Variants in ATF6 observed in about 807,000 individuals in gnomAD.
ATF6 encodes the protein cyclic AMP-dependent transcription factor ATF-6 alpha.
Under a neutral mutation model 83.6 loss-of-function variants are expected in ATF6, and 53 were observed. That is an observed-to-expected ratio of 0.63 (90% CI 0.51 to 0.80). The LOEUF (loss-of-function observed/expected upper bound fraction) is 0.80, where lower values mean the gene tolerates loss of function less well. Among genes scored for constraint, ATF6 ranks in the 30% least tolerant of loss-of-function variants. ATF6 has a pLI of 0.00. For synonymous variants in ATF6, 288 were observed against 285.8 expected, an observed-to-expected ratio of 1.01 and a Z score of -0.08; for missense variants, 744 against 797.9, an observed-to-expected ratio of 0.93 and a Z score of 0.81.
At chr1:161,945,329 C>T (rs1422906079) in intron 15 of ATF6, among the ~76,000 whole-genome samples, 1 of 152,188 alleles carries the variant, frequency 6.6e-6, no homozygotes, top group Non-Finnish European at 1.5e-5. Context: ...TATTCCATTC[C>T]CATTTGCTCC....
rs750023869 is a variant in ATF6 at position 161,958,671 on chromosome 1, T to C, written c.*17T>C. 1.9e-6 allele frequency: 3 copies of C among 1,591,096 alleles called. No homozygotes were observed. In the South Asian group the frequency reaches 3.4e-5, roughly 18 times the overall value. On this transcript the variant is annotated 3_prime_UTR_variant, in exon 16 of 16. Transcript: ENST00000367942. ...TTACAATAGCACCCTGCAGCTATGC[T>C]GGAAAACTGAGCGTGGGACCCTGCC...
At chr1:161,884,729 T>C (rs982302565) in intron 14 of ATF6, among the ~76,000 whole-genome samples, 3 of 152,116 alleles carry the variant, frequency 2.0e-5, no homozygotes, top group African/African-American at 7.2e-5. Flanking sequence ...GCTAAACAAA[T>C]ACACAGATAC....
At chr1:161,831,718 T>A (rs1686065503) in intron 9 of ATF6, among the ~76,000 whole-genome samples, 1 of 144,454 alleles carries the variant, frequency 6.9e-6, no homozygotes, top group South Asian at 2.2e-4. Context: ...CACCACATGT[T>A]CTCACTCATA....
rs1305720035 is a variant in ATF6, at chr1:161,798,105, CAT to C, written c.689-3944_689-3943del. 1.2e-4 allele frequency among the ~76,000 whole-genome samples: 18 copies of C among 152,154 alleles called. 1 individual carries two copies. The highest frequency in any genetic ancestry group is 1.1e-3 in the Admixed American group (17 of 15,288). On this transcript the variant is annotated intron_variant, in intron 6 of 15. Coordinates refer to ENST00000367942, the MANE Select transcript of ATF6 (RefSeq NM_007348.4). ...AATGGTGGTAAGATAACTGGCTAGCCATATGCAGAAGATTGAAACTGGATCCT... is the reference window on the plus strand; with the variant it reads ...AATGGTGGTAAGATAACTGGCTAGCCATGCAGAAGATTGAAACTGGATCCT...
intron 7 of ATF6, among the ~76,000 whole-genome samples, chr1:161,804,966 A>G (rs1254864269): frequency 2.0e-5 from 3 of 152,250 alleles, no homozygotes; most frequent in Non-Finnish European, 4.4e-5. Context: ...TATATAGGTC[A>G]AGAGTATGTC....
chr1:161,963,584 C>T lies in ATF6; in HGVS notation c.*4930C>T, dbSNP rs1288583122. 2.6e-5 allele frequency: 4 copies of T among 152,086 alleles called. No individual in the cohort carries two copies. Among genetic ancestry groups the T allele is most frequent in the African/African-American group, 4.8e-5 (2 of 41,402 alleles). 9.4% of individuals were successfully genotyped at this position (152,086 alleles called of 1,614,324 possible). Reference sequence around the variant, plus strand: ...AATAAACCAGGAGGCTTGGCATATCCCCTTTATGTTAATCCCAGCTAGAGA... The same window carrying T: ...AATAAACCAGGAGGCTTGGCATATCTCCTTTATGTTAATCCCAGCTAGAGA... On this transcript the variant is annotated 3_prime_UTR_variant, in exon 16 of 16. Transcript: ENST00000367942.
intron 14 of ATF6, among the ~76,000 whole-genome samples, chr1:161,888,755 C>T (rs1687484984): frequency 6.6e-6 from 1 of 152,082 alleles, no homozygotes. Flanking sequence ...TCAAATCCAC[C>T]TCCATCCTTC....
At chr1:161,850,653 A>G (rs572298956) in intron 10 of ATF6, among the ~76,000 whole-genome samples, 2 of 152,288 alleles carry the variant, frequency 1.3e-5, no homozygotes, top group South Asian at 4.1e-4. Context: ...ACCTAGCACA[A>G]TACCTGGTGC....
At chr1:161,818,384 C>T (rs1349179125) in intron 7 of ATF6, among the ~76,000 whole-genome samples, 3 of 152,082 alleles carry the variant, frequency 2.0e-5, no homozygotes, top group East Asian at 1.9e-4. Flanking sequence ...AAAATAATTT[C>T]GCTCAGTAAG....
chr1:161,943,419 A>G (rs939546860), intron 15 of ATF6, among the ~76,000 whole-genome samples: 29 of 152,190 alleles, frequency 1.9e-4, no homozygotes, highest in African/African-American at 6.8e-4. Flanking sequence ...CTGTGAGTCA[A>G]TTAAACCTCT....
At chr1:161,945,750 A>G (rs1352865728) in intron 15 of ATF6, among the ~76,000 whole-genome samples, 1 of 152,188 alleles carries the variant, frequency 6.6e-6, no homozygotes, top group Non-Finnish European at 1.5e-5. Context: ...TTACCTACCA[A>G]CTTGATTGTA....
intron 14 of ATF6, among the ~76,000 whole-genome samples, chr1:161,874,304 A>G (rs566111191): frequency 1.6e-4 from 24 of 151,726 alleles, no homozygotes; most frequent in African/African-American, 5.3e-4. Context: ...TGTGTCTGTA[A>G]TGTCCTAGAA....
intron 1 of ATF6, 130 bp from the exon 2 acceptor site, chr1:161,778,114 A>G: frequency 1.6e-6 from 1 of 625,856 alleles, no homozygotes; most frequent in Non-Finnish European, 2.8e-6. Flanking sequence ...TATTCACATT[A>G]CTGGAGTTTA....
rs997576812 is a variant in ATF6, at chr1:161,958,815, A to G, written c.*161A>G. ...AATAAAAGAAGCTGCTCCATTTTTCATCATCTACCCATCTATTTGGAAAGC... is the reference window on the plus strand; with the variant it reads ...AATAAAAGAAGCTGCTCCATTTTTCGTCATCTACCCATCTATTTGGAAAGC... On this transcript the variant is annotated 3_prime_UTR_variant, in exon 16 of 16. Transcript: ENST00000367942. The G allele has an allele frequency of 1.0e-5, 6 of 593,850 alleles. No individual in the cohort carries two copies. The Admixed American group carries it at 1.4e-4, about 14-fold the overall frequency. The allele number at this position is 593,850 out of a possible 1,614,324, so 36.8% of individuals were successfully genotyped here.
At chr1:161,922,288 G>C (rs1688227496) in intron 15 of ATF6, among the ~76,000 whole-genome samples, 1 of 152,122 alleles carries the variant, frequency 6.6e-6, no homozygotes, top group African/African-American at 2.4e-5. Context: ...AGGACAGTCT[G>C]TCCCCACATT....
intron 4 of ATF6, among the ~76,000 whole-genome samples, chr1:161,790,253 G>T (rs1330468365): frequency 6.6e-6 from 1 of 152,068 alleles, no homozygotes; most frequent in Non-Finnish European, 1.5e-5. Context: ...GCAACACCCT[G>T]AGAGTAAACA....
rs183843790 is a variant in ATF6 at position 161,796,721 on chromosome 1, C to T, written c.688+4394C>T. Among the ~76,000 whole-genome samples the T allele has an allele frequency of 2.5e-4, 38 of 152,064 alleles. No individual in the cohort carries two copies. The East Asian group carries it at 5.6e-3, about 22-fold the overall frequency. On this transcript the variant is annotated intron_variant, in intron 6 of 15. Transcript: ENST00000367942. ...GACAACCTTGATGGTTTTGGGTGACCAGGATATTATTTTATATTAAAAGAG... is the reference window on the plus strand; with the variant it reads ...GACAACCTTGATGGTTTTGGGTGACTAGGATATTATTTTATATTAAAAGAG...
intron 4 of ATF6, among the ~76,000 whole-genome samples, chr1:161,784,302 T>C (rs183085409): frequency 5.3e-5 from 8 of 152,246 alleles, no homozygotes; most frequent in Non-Finnish European, 1.2e-4. Context: ...CCTCTGTTCA[T>C]GCCTCCATAA....
At chr1:161,864,772 G>A (rs1353978573) in intron 14 of ATF6, among the ~76,000 whole-genome samples, 1 of 152,180 alleles carries the variant, frequency 6.6e-6, no homozygotes, top group African/African-American at 2.4e-5. Context: ...TCAGCAGCAA[G>A]GGGGCAGCTG....
Sources: gnomAD v4.1 joint callset for allele counts (sites outside exome capture counted in the v4.1 genomes callset) on GRCh38, gnomAD v4.1.1 for gene constraint, MANE v1.5 for transcripts, NCBI Gene and HGNC (gene_info 2026-07-23, HGNC 2026-07-21) for gene names.